LPP: variants seen among roughly 807,000 people sequenced by gnomAD.
LPP encodes the protein lipoma-preferred partner.
Under a neutral mutation model 60.4 loss-of-function variants are expected in LPP, and 38 were observed. The ratio of observed to expected loss-of-function variants is 0.63; its 90% CI spans 0.49 to 0.83. The LOEUF is 0.83. LPP is among the 40% of genes least tolerant of loss of function. The pLI is 0.00. For missense variants in LPP, 902 were observed against 783.6 expected, an observed-to-expected ratio of 1.15 and a Z score of -1.80; for synonymous variants, 328 against 290.8, an observed-to-expected ratio of 1.13 and a Z score of -1.30.
chr3:188,838,209 T>G (rs962955529), intron 9 of LPP, among the ~76,000 whole-genome samples: 1 of 152,218 alleles, frequency 6.6e-6, no homozygotes, highest in African/African-American at 2.4e-5. Flanking sequence ...TAAATGTTCC[T>G]TTTTTACTTT....
chr3:188,228,005 A>T (rs975430194), intron 2 of LPP, among the ~76,000 whole-genome samples: 17 of 152,194 alleles, frequency 1.1e-4, no homozygotes, highest in African/African-American at 3.9e-4. Context: ...GGGAGAGAGG[A>T]CTGGAAGCTC....
At chr3:188,687,951 A>G (rs1861212966) in intron 7 of LPP, among the ~76,000 whole-genome samples, 1 of 151,728 alleles carries the variant, frequency 6.6e-6, no homozygotes, top group Non-Finnish European at 1.5e-5. Context: ...ATTTTTTTGT[A>G]TTTTTAGTAG....
intron 3 of LPP, among the ~76,000 whole-genome samples, chr3:188,404,162 G>A (rs762844130): frequency 6.6e-6 from 1 of 152,058 alleles, no homozygotes; most frequent in African/African-American, 2.4e-5. Context: ...ACTTTGCATA[G>A]CACTCTATAC....
intron 9 of LPP, among the ~76,000 whole-genome samples, chr3:188,806,140 T>C (rs1749061931): frequency 6.6e-5 from 10 of 151,936 alleles, no homozygotes; most frequent in Admixed American, 6.6e-4. Context: ...TGATTTTCTG[T>C]CTTCTTTTTC....
chr3:188,441,122 A>C (rs1412223510), intron 4 of LPP, among the ~76,000 whole-genome samples: 1 of 152,140 alleles, frequency 6.6e-6, no homozygotes, highest in Non-Finnish European at 1.5e-5. Flanking sequence ...AAATGTATTT[A>C]TACTATGCTA....
intron 9 of LPP, among the ~76,000 whole-genome samples, chr3:188,818,131 C>A (rs1010011201): frequency 3.9e-5 from 6 of 152,134 alleles, no homozygotes; most frequent in African/African-American, 1.4e-4. Context: ...AGCAAACAGG[C>A]ACAAATGACA....
At chr3:188,874,309 C>T (rs371698248) in intron 11 of LPP, 42 bp from the exon 12 acceptor site, 240 of 1,584,824 alleles carry the variant, frequency 1.5e-4, no homozygotes, top group African/African-American at 1.8e-4. Flanking sequence ...GTGTACTTAA[C>T]GTTTTTACTT....
Position 188,708,287 on chromosome 3 carries a change from G to C in LPP, c.1134G>C (p.Leu378=). 1 of 1,614,084 alleles carries C rather than the reference G, an allele frequency of 6.2e-7. No homozygotes were observed. Among genetic ancestry groups the C allele is most frequent in the Middle Eastern group, 1.7e-4 (1 of 6,060 alleles). ...TTCAGGGTGGCCATTCAGGGCAACT[G>C]GGGCCTTCGTCAGTTGCCCCTTCAT... ...LQPKGGHSGQ[L]GPSSVAPSFR... The change falls in exon 8 of 12, where the codon CTG becomes CTC. Residue 378 remains leucine, a synonymous_variant. Coordinates refer to ENST00000617246, the MANE Select transcript of LPP (RefSeq NM_001375462.1).
chr3:188,330,847 GTAAGTAAGTAAGTAAA>G (rs1469279497), intron 2 of LPP, among the ~76,000 whole-genome samples: 3 of 101,128 alleles, frequency 3.0e-5, no homozygotes, highest in Non-Finnish European at 4.0e-5. Context: ...CAGTAAGTAA[GTAAGTAAGTAAGTAAA>G]TAAATAAATA....
chr3:188,601,367 A>T (rs1279181596), intron 6 of LPP, among the ~76,000 whole-genome samples: 6 of 152,340 alleles, frequency 3.9e-5, no homozygotes, highest in Non-Finnish European at 7.4e-5. Context: ...AAGAAATGAA[A>T]CTATGGGTTT....
At chr3:188,384,838 C>T (rs968681323) in intron 3 of LPP, among the ~76,000 whole-genome samples, 48 of 150,096 alleles carry the variant, frequency 3.2e-4, no homozygotes, top group Non-Finnish European at 5.3e-4. Context: ...TCAGAAGTCC[C>T]GGAGTCCTTT....
chr3:188,493,316 C>T (rs2149776186), intron 5 of LPP, among the ~76,000 whole-genome samples: 1 of 152,190 alleles, frequency 6.6e-6, no homozygotes, highest in East Asian at 1.9e-4. Context: ...GATTCCTTTT[C>T]CAGTTTAGTA....
chr3:188,508,471 A>G (rs1350019218), intron 5 of LPP, among the ~76,000 whole-genome samples: 2 of 152,362 alleles, frequency 1.3e-5, no homozygotes, highest in East Asian at 1.9e-4. Context: ...ATGCATTGCT[A>G]TAATTAATGC....
chr3:188,285,595 T>A (rs1277698294), intron 2 of LPP, among the ~76,000 whole-genome samples: 1 of 152,138 alleles, frequency 6.6e-6, no homozygotes, highest in East Asian at 1.9e-4. Context: ...TGAGATGGGG[T>A]CTCACTATGT....
chr3:188,783,966 G>T (rs932979983), intron 9 of LPP, among the ~76,000 whole-genome samples: 4 of 152,090 alleles, frequency 2.6e-5, no homozygotes, highest in African/African-American at 9.7e-5. Context: ...CACAGGTGGT[G>T]TTTGGTTACA....
chr3:188,861,129 C>CT (rs1314449898), intron 9 of LPP, among the ~76,000 whole-genome samples: 4 of 152,104 alleles, frequency 2.6e-5, no homozygotes, highest in Non-Finnish European at 5.9e-5. Flanking sequence ...TTAATATGTG[C>CT]TTTTTTTGAT....
intron 3 of LPP, among the ~76,000 whole-genome samples, chr3:188,370,721 G>T (rs928692204): frequency 6.6e-6 from 1 of 152,098 alleles, no homozygotes; most frequent in African/African-American, 2.4e-5. Context: ...CTCGTTGCCC[G>T]ACATGGGGCT....
chr3:188,661,907 A>T (rs113748297), intron 7 of LPP, among the ~76,000 whole-genome samples: 3 of 152,208 alleles, frequency 2.0e-5, no homozygotes, highest in African/African-American at 7.2e-5. Context: ...GGGATATAAA[A>T]GGAATATTCT....
At chr3:188,271,487 C>T (rs531529100) in intron 2 of LPP, among the ~76,000 whole-genome samples, 1 of 152,280 alleles carries the variant, frequency 6.6e-6, no homozygotes, top group East Asian at 1.9e-4. Context: ...GTGTTGGTTT[C>T]CCAGTCAGTA....
Sources: gnomAD v4.1 joint callset for allele counts (sites outside exome capture counted in the v4.1 genomes callset) on GRCh38, gnomAD v4.1.1 for gene constraint, MANE v1.5 for transcripts, NCBI Gene and HGNC (gene_info 2026-07-23, HGNC 2026-07-21) for gene names.